Variants in ADGRG1 observed in about 807,000 individuals in gnomAD.
ADGRG1 encodes 7-transmembrane protein with no EGF-like N-terminal domains-1.
In ADGRG1, 53 loss-of-function variants were observed where a neutral mutation model predicts 73.5. That is an observed-to-expected ratio of 0.72 (90% CI 0.58 to 0.91). The LOEUF (loss-of-function observed/expected upper bound fraction) is 0.91, where lower values mean the gene tolerates loss of function less well. Among genes scored for constraint, ADGRG1 ranks in the 40% least tolerant of loss-of-function variants. The pLI is 0.00. For synonymous variants in ADGRG1, 394 were observed against 374.4 expected (o/e 1.05, Z -0.60); for missense variants, 795 against 871.8 (o/e 0.91, Z 1.11).
intron 1 of ADGRG1, chr16:57,640,701 C>A (rs77380035): frequency 0.016 from 2,770 of 173,892 alleles, 28 homozygotes; most frequent in Middle Eastern, 0.04. Context: ...TAGGGGAGAA[C>A]TTTGTTCTTC....
intron 1 of ADGRG1, chr16:57,642,627 G>C: frequency 1.0e-6 from 1 of 984,038 alleles, no homozygotes. Flanking sequence ...CAGAAAGTAT[G>C]GCCCACAAGC....
At chr16:57,628,833 G>A in intron 1 of ADGRG1, 31 bp downstream of exon 1, 2 of 982,698 alleles carry the variant, frequency 2.0e-6, no homozygotes, top group Non-Finnish European at 2.4e-6. Flanking sequence ...CAGCAGGTGG[G>A]AAGGGGAATA....
chr16:57,625,950 AG>A (rs1453564142), upstream of ADGRG1, among the ~76,000 whole-genome samples: 1 of 152,028 alleles, frequency 6.6e-6, no homozygotes, highest in East Asian at 1.9e-4. Flanking sequence ...CTTCTCCTTC[AG>A]GTCCCAGCAG....
At chr16:57,624,060 C>CATGTGGA (rs1482373203), upstream of ADGRG1, 2 of 332,948 alleles carry the variant, frequency 6.0e-6, no homozygotes, top group African/African-American at 4.5e-5. Context: ...CTTTGGCATT[C>CATGTGGA]ATGTGGACTT....
intron 4 of ADGRG1, 158 bp downstream of exon 4, chr16:57,653,493 C>G (rs549094745): frequency 1.0e-6 from 1 of 984,422 alleles, no homozygotes; most frequent in Admixed American, 6.1e-5. Flanking sequence ...TCAACACATG[C>G]CCCCCAGGCT....
upstream of ADGRG1, chr16:57,625,593 G>T (rs772376713): frequency 1.0e-6 from 1 of 981,048 alleles, no homozygotes; most frequent in South Asian, 4.7e-5. Context: ...AGTCCCTGGC[G>T]TCTAGACCAG....
At chr16:57,636,065 C>T (rs2147509494) in intron 1 of ADGRG1, 1 of 985,394 alleles carries the variant, frequency 1.0e-6, no homozygotes, top group Non-Finnish European at 1.2e-6. Context: ...CGTGCCCTTT[C>T]TCCTCCTTGC....
In ADGRG1 at chr16:57,641,413, A is replaced by G. The variant is rs569553798; in HGVS notation, c.-35-8840A>G. The G allele has an allele frequency of 1.4e-5, 14 of 979,398 alleles. No individual in the cohort carries two copies. In the East Asian group the frequency reaches 5.7e-4, roughly 40 times the overall value. 60.7% of individuals were successfully genotyped at this position (979,398 alleles called of 1,614,324 possible). ...CTACGTGGCTGCAGACCACCCCAGG[A>G]GCATAAGCTGAACAGGCCTGGCACC... is the stretch of plus-strand genomic sequence containing the variant. On this transcript the variant is annotated intron_variant, in intron 1 of 13. Coordinates refer to ENST00000562631, the MANE Select transcript of ADGRG1 (RefSeq NM_201525.4).
Position 57,651,257 on chromosome 16 carries a change from C to T in ADGRG1, c.122C>T (p.Thr41Ile), listed in dbSNP as rs2044014253. 6.2e-7 allele frequency: 1 copy of T among 1,614,186 alleles called. No homozygotes were observed. Among genetic ancestry groups the T allele is most frequent in the Admixed American group, 1.7e-5 (1 of 60,030 alleles). The change falls in exon 3 of 14, where the codon ACA becomes ATA. Residue 41 changes from threonine (T) to isoleucine (I), a missense_variant. By Grantham distance (89) the Thr-to-Ile change is moderately conservative. Transcript: ENST00000562631. ...CGCTTCTGCAGCCAGCGGAACCAGA[C>T]ACACAGGAGCAGCCTCCACTACAAA... is the stretch of plus-strand genomic sequence containing the variant. ...DFRFCSQRNQ[T>I]HRSSLHYKPT...
Position 57,663,718 on chromosome 16 carries a change from G to T in ADGRG1, c.*136G>T, listed in dbSNP as rs1256782149. The stretch of plus-strand genomic sequence containing the variant: ...AAGCCCAACGACCATGGAGAGATGG[G>T]CCGTTGCCATGGTGGACGGACTCCC... On this transcript the variant is annotated 3_prime_UTR_variant, in exon 14 of 14. Transcript: ENST00000562631. 3.0e-6 allele frequency: 3 copies of T among 988,130 alleles called. No homozygotes were observed. The allele number at this position is 988,130 out of a possible 1,614,324, so 61.2% of individuals were successfully genotyped here.
At chr16:57,627,742 G>A, upstream of ADGRG1, 4 of 818,224 alleles carry the variant, frequency 4.9e-6, no homozygotes, top group Non-Finnish European at 5.9e-6. Context: ...GGAGGAGGAG[G>A]GCAGACAGGA....
chr16:57,634,414 CA>C, intron 1 of ADGRG1: 1 of 985,450 alleles, frequency 1.0e-6, no homozygotes, highest in South Asian at 4.7e-5. Context: ...GGGCACGGGC[CA>C]AACAGTTCAG....
chr16:57,653,727 C>G, intron 4 of ADGRG1: 1 of 875,482 alleles, frequency 1.1e-6, no homozygotes, highest in Non-Finnish European at 1.4e-6. Flanking sequence ...CATTGCTCTC[C>G]TTTCCCTTGG....
chr16:57,629,870 T>G, intron 1 of ADGRG1: 4 of 246,430 alleles, frequency 1.6e-5, no homozygotes, highest in Non-Finnish European at 2.6e-5. Context: ...CCCTGCGTGG[T>G]AGAGTTGGGG....
In ADGRG1 at chr16:57,645,426, C is replaced by T. The variant is rs374270486; in HGVS notation, c.-35-4827C>T. ...TCTCCTGATGTCTTTCAGGAAGCCC[C>T]TTCCAGGGCCCCGCTAAATGCTGGG... On this transcript the variant is annotated intron_variant, in intron 1 of 13. Transcript: ENST00000562631. 3.7e-5 allele frequency: 25 copies of T among 670,810 alleles called. No homozygotes were observed. The African/African-American group carries it at 4.5e-4, about 12-fold the overall frequency. 41.6% of individuals were successfully genotyped at this position (670,810 alleles called of 1,614,324 possible). A position where few individuals can be genotyped will look rare whatever the true frequency, so the allele number is the denominator to read the frequency against.
chr16:57,645,753 T>G (rs2042470032), intron 1 of ADGRG1, among the ~76,000 whole-genome samples: 2 of 152,132 alleles, frequency 1.3e-5, no homozygotes, highest in Non-Finnish European at 2.9e-5. Context: ...TTCAGCTCAC[T>G]CCCAGAGGAA....
rs137901267 is a variant in ADGRG1 at position 57,658,628 on chromosome 16, C to T, written c.1287-785C>T. On this transcript the variant is annotated intron_variant, in intron 10 of 13. Transcript: ENST00000562631. ...GGACAGCTGGGTGATGAGATGGGCT[C>T]GGCGGAAGGCTGGGGGTGGAGGCAG... is the stretch of plus-strand genomic sequence containing the variant. 2.7e-3 allele frequency among the ~76,000 whole-genome samples: 413 copies of T among 152,210 alleles called. 1 individual carries two copies. The highest frequency in any genetic ancestry group is 9.3e-3 in the African/African-American group (388 of 41,524).
chr16:57,635,586 G>C, intron 1 of ADGRG1: 1 of 985,442 alleles, frequency 1.0e-6, no homozygotes, highest in Non-Finnish European at 1.2e-6. Context: ...ATCTAGGAAG[G>C]ACGGTAGTGT....
At chr16:57,661,485 A>G (rs2047079052) in intron 12 of ADGRG1, 2 of 981,800 alleles carry the variant, frequency 2.0e-6, no homozygotes, top group Non-Finnish European at 2.4e-6. Context: ...TCACTTTTGT[A>G]CTATCTATAT....
Sources: allele counts gnomAD v4.1 joint callset (sites outside exome capture counted in the v4.1 genomes callset), GRCh38; gene constraint gnomAD v4.1.1; transcripts MANE v1.5; gene names NCBI Gene and HGNC (gene_info 2026-07-23, HGNC 2026-07-21).